LAMA2: variants seen among roughly 807,000 people sequenced by gnomAD.
LAMA2 encodes laminin subunit alpha-2.
LAMA2 carries 269 observed loss-of-function variants against 364.8 expected under a neutral mutation model. That is an observed-to-expected ratio of 0.74 (90% CI 0.67 to 0.82). LAMA2 has a LOEUF of 0.82. LAMA2 is among the 40% of genes least tolerant of loss of function. The probability of loss-of-function intolerance (pLI) is 0.00; values close to 1 mark genes in which losing one functional copy is unlikely to be tolerated. For missense variants in LAMA2, 3,807 were observed against 3,873.2 expected (o/e 0.98, Z 0.45); for synonymous variants, 1,379 against 1,370.6 (o/e 1.01, Z -0.14).
Position 129,320,601 on chromosome 6 carries a change from T to C in LAMA2, c.4122T>C (p.Ala1374=). ...QGRGTTMTPP[A]DLIEKCDCPL... ...GTGGAACAACAATGACTCCTCCAGCTGACTTGATTGAAAAATGTGATTGTC... is the reference window on the plus strand; with the variant it reads ...GTGGAACAACAATGACTCCTCCAGCCGACTTGATTGAAAAATGTGATTGTC... Residue 1374 remains alanine (A), a synonymous_variant, in exon 28 of 65, where the codon GCT becomes GCC. Transcript: ENST00000421865. 6.2e-7 allele frequency: 1 copy of C among 1,613,808 alleles called. No homozygotes were observed. Among genetic ancestry groups the C allele is most frequent in the East Asian group, 2.2e-5 (1 of 44,866 alleles).
Position 129,309,902 on chromosome 6 carries a change from A to T in LAMA2, c.3175-2959A>T, listed in dbSNP as rs1168369992. Among the ~76,000 whole-genome samples the T allele has an allele frequency of 9.0e-4, 122 of 135,724 alleles. 2 individuals are homozygous for T. In the East Asian group the frequency reaches 0.019, roughly 22 times the overall value. 89.0% of individuals were successfully genotyped at this position (135,724 alleles called of 152,430 possible). A position where few individuals can be genotyped will look rare whatever the true frequency, so the allele number is the denominator to read the frequency against. Reference sequence around the variant, plus strand: ...AGAAATAAAGCTAATCCTGATAATCATTTTTTTTTTTTTTTGAGACGGAGT... The same window carrying T: ...AGAAATAAAGCTAATCCTGATAATCTTTTTTTTTTTTTTTTGAGACGGAGT... On this transcript the variant is annotated intron_variant, in intron 22 of 64. Transcript: ENST00000421865.
intron 3 of LAMA2, among the ~76,000 whole-genome samples, chr6:129,065,706 G>C (rs1346997903): frequency 2.6e-5 from 4 of 152,130 alleles, no homozygotes; most frequent in Non-Finnish European, 5.9e-5. Context: ...CAAGAGGATT[G>C]CTATGATTTG....
At chr6:129,460,400 AT>A in intron 49 of LAMA2, 76 bp downstream of exon 49, 2 of 1,407,644 alleles carry the variant, frequency 1.4e-6, no homozygotes, top group Non-Finnish European at 2.0e-6. Flanking sequence ...ATAATATTCT[AT>A]TATCATGTGG....
chr6:129,298,282 A>C lies in LAMA2; in HGVS notation c.3037+417A>C, dbSNP rs1012191907. ...TTGGTATCCGGATCAAGAAAAGTCA[A>C]GGTGTTTTTTTTTTCCTGGTACCCC... On this transcript the variant is annotated intron_variant, in intron 21 of 64. Transcript: ENST00000421865. Among the ~76,000 whole-genome samples, 3 of 152,218 alleles carry C rather than the reference A, an allele frequency of 2.0e-5. No homozygotes were observed. The South Asian group carries it at 6.2e-4, about 32-fold the overall frequency.
At chr6:129,403,442 T>G (rs867749808) in intron 39 of LAMA2, among the ~76,000 whole-genome samples, 1 of 152,296 alleles carries the variant, frequency 6.6e-6, no homozygotes, top group South Asian at 2.1e-4. Context: ...GAAGTGCACC[T>G]ACCCCAGAAA....
At chr6:128,944,560 C>T (rs1437894800) in intron 1 of LAMA2, among the ~76,000 whole-genome samples, 4 of 151,042 alleles carry the variant, frequency 2.6e-5, no homozygotes, top group Non-Finnish European at 2.9e-5. Flanking sequence ...TTTGGGAGGC[C>T]GAGGTGAGCA....
At chr6:129,259,494 T>A (rs746355059) in intron 14 of LAMA2, among the ~76,000 whole-genome samples, 72 of 152,086 alleles carry the variant, frequency 4.7e-4, no homozygotes, top group South Asian at 1.4e-3. Flanking sequence ...TTATTATGAG[T>A]CAATAGTAGT....
At chr6:129,405,812 A>G (rs1441324545) in intron 40 of LAMA2, among the ~76,000 whole-genome samples, 1 of 152,176 alleles carries the variant, frequency 6.6e-6, no homozygotes, top group Non-Finnish European at 1.5e-5. Flanking sequence ...TCCCATAAAT[A>G]TAAGATCTGA....
chr6:129,334,836 A>G (rs1775856547), intron 29 of LAMA2, among the ~76,000 whole-genome samples: 1 of 151,994 alleles, frequency 6.6e-6, no homozygotes, highest in Non-Finnish European at 1.5e-5. Context: ...TAAAGGCCCT[A>G]ATCCCACTCA....
chr6:128,941,671 T>C (rs77723793), intron 1 of LAMA2, among the ~76,000 whole-genome samples: 12,550 of 152,022 alleles, frequency 0.083, 979 homozygotes, highest in African/African-American at 0.2. Context: ...TGCTCAGAAC[T>C]AAAAAATAAA....
intron 1 of LAMA2, among the ~76,000 whole-genome samples, chr6:128,966,030 T>C (rs575099418): frequency 6.9e-6 from 1 of 145,290 alleles, no homozygotes; most frequent in South Asian, 2.2e-4. Context: ...AAACACTTTT[T>C]AGGATATCAC....
At chr6:129,277,479 A>C (rs1241743413) in intron 17 of LAMA2, among the ~76,000 whole-genome samples, 1 of 152,202 alleles carries the variant, frequency 6.6e-6, no homozygotes, top group African/African-American at 2.4e-5. Context: ...CAAAGCACAA[A>C]TACAGATATA....
intron 36 of LAMA2, 64 bp downstream of exon 36, chr6:129,391,717 T>A: frequency 6.9e-7 from 1 of 1,458,476 alleles, no homozygotes; most frequent in Non-Finnish European, 9.6e-7. Context: ...TTTACAGTTT[T>A]CTAAATTTTT....
rs767554373 is a variant in LAMA2, at chr6:129,316,136, C to G, written c.4023C>G (p.Ile1341Met). 1.9e-6 allele frequency: 3 copies of G among 1,608,648 alleles called. No homozygotes were observed. In the Admixed American group the frequency reaches 5.0e-5, roughly 27 times the overall value. Residue 1341 changes from isoleucine (I) to methionine (M), a missense_variant, in exon 27 of 65, where the codon ATC (isoleucine) becomes ATG (methionine). Physicochemically the swap from Ile to Met is conservative, Grantham distance 10. Around this residue, in one of 3 missense-constraint regions of LAMA2, gnomAD observed 3,333 missense variants for 3,345.7 expected, o/e 1.00. Coordinates refer to ENST00000421865, the MANE Select transcript of LAMA2 (RefSeq NM_000426.4). Reference sequence around the variant, plus strand: ...TATATGATATTCATTACATTCTTATCAAAGCTACTTATGGAAATTTCATGC... The same window carrying G: ...TATATGATATTCATTACATTCTTATGAAAGCTACTTATGGAAATTTCATGC... ...DILYDIHYIL[I>M]KATYGNFMRQ...
chr6:129,041,822 G>A (rs1787119493), intron 1 of LAMA2, among the ~76,000 whole-genome samples: 1 of 152,014 alleles, frequency 6.6e-6, no homozygotes, highest in Non-Finnish European at 1.5e-5. Context: ...GGGCAACATA[G>A]TGAGACCATG....
Position 129,210,027 on chromosome 6 carries a change from T to G in LAMA2, c.1782+17174T>G, listed in dbSNP as rs571600707. On this transcript the variant is annotated intron_variant, in intron 12 of 64. Coordinates refer to ENST00000421865, the MANE Select transcript of LAMA2 (RefSeq NM_000426.4). The stretch of plus-strand genomic sequence containing the variant: ...TCAAAAAAAAAAAAAAAAAAAAAAT[T>G]TTTACTATTGACCCTTACTCTGGAT... Among the ~76,000 whole-genome samples the G allele has an allele frequency of 4.2e-5, 5 of 119,760 alleles. No homozygotes were observed. The East Asian group carries it at 1.2e-3, about 28-fold the overall frequency. The allele number at this position is 119,760 out of a possible 152,430, so 78.6% of individuals were successfully genotyped here. A position where few individuals can be genotyped will look rare whatever the true frequency, so the allele number is the denominator to read the frequency against.
intron 39 of LAMA2, 65 bp from the exon 40 acceptor site, chr6:129,403,756 T>C: frequency 2.0e-6 from 3 of 1,470,526 alleles, no homozygotes; most frequent in Non-Finnish European, 2.8e-6. Flanking sequence ...TTCATATAAT[T>C]AGGACGTTCT....
Position 129,166,143 on chromosome 6 carries a change from A to C in LAMA2, c.1306+468A>C, listed in dbSNP as rs1329249585. The stretch of plus-strand genomic sequence containing the variant: ...ATAATATAGAAAGCAAGAAGTGTTC[A>C]TAAAGGACTAAGAAGGTAGTAGTCA... On this transcript the variant is annotated intron_variant, in intron 9 of 64. Transcript: ENST00000421865. Among the ~76,000 whole-genome samples, 8 of 152,332 alleles carry C rather than the reference A, an allele frequency of 5.3e-5. No individual in the cohort carries two copies. In the East Asian group the frequency reaches 1.5e-3, roughly 29 times the overall value.
At chr6:128,960,334 T>G (rs1038572224) in intron 1 of LAMA2, among the ~76,000 whole-genome samples, 1 of 117,896 alleles carries the variant, frequency 8.5e-6, no homozygotes, top group Admixed American at 1.1e-4. Context: ...TACTCTTTTT[T>G]TTTTTTTCCT....
Sources: gnomAD v4.1 joint callset for allele counts (sites outside exome capture counted in the v4.1 genomes callset) on GRCh38, gnomAD v4.1.1 for gene constraint, gnomAD v4.1.1 regional missense constraint, MANE v1.5 for transcripts, NCBI Gene and HGNC (gene_info 2026-07-23, HGNC 2026-07-21) for gene names.